The following KPNA1 variants were observed in gnomAD, a reference collection of about 807,000 sequenced individuals.
KPNA1 encodes karyopherin subunit alpha 1.
A neutral mutation model predicts 70.5 loss-of-function variants in KPNA1; 10 were observed. The observed-to-expected ratio is 0.14, with a 90% CI of 0.09 to 0.24. The LOEUF (loss-of-function observed/expected upper bound fraction) is 0.24, where lower values mean the gene tolerates loss of function less well. Among genes scored for constraint, KPNA1 ranks in the 10% least tolerant of loss-of-function variants. The pLI is 1.00. For synonymous variants in KPNA1, 192 were observed against 221.9 expected, an observed-to-expected ratio of 0.87 and a Z score of 1.20; for missense variants, 397 against 637.9, an observed-to-expected ratio of 0.62 and a Z score of 4.07.
chr3:122,494,492 T>C (rs2076735059), intron 2 of KPNA1, among the ~76,000 whole-genome samples: 1 of 152,218 alleles, frequency 6.6e-6, no homozygotes, highest in Non-Finnish European at 1.5e-5. Flanking sequence ...TTGACTTATA[T>C]GTCTACTTTT....
At chr3:122,459,709 G>C in intron 5 of KPNA1, 2 of 985,500 alleles carry the variant, frequency 2.0e-6, no homozygotes, top group Non-Finnish European at 2.4e-6. Context: ...TAATTCAAAT[G>C]AGCATGGGAA....
At chr3:122,429,725 G>C (rs2075875232) in intron 12 of KPNA1, among the ~76,000 whole-genome samples, 2 of 152,084 alleles carry the variant, frequency 1.3e-5, no homozygotes, top group African/African-American at 4.8e-5. Context: ...ATATGGGAAG[G>C]CAAAAGGCCC....
chr3:122,478,501 G>A (rs1482852910), intron 2 of KPNA1, among the ~76,000 whole-genome samples: 1 of 94,976 alleles, frequency 1.1e-5, no homozygotes, highest in African/African-American at 3.3e-5. Flanking sequence ...GACTGAGGTG[G>A]GCAGGTCAGG....
At chr3:122,495,957 C>A (rs910383052) in intron 2 of KPNA1, among the ~76,000 whole-genome samples, 1 of 152,040 alleles carries the variant, frequency 6.6e-6, no homozygotes, top group South Asian at 2.1e-4. Flanking sequence ...AAGACAAACA[C>A]GAAGCAAGTG....
chr3:122,457,394 G>GA (rs34857537), intron 5 of KPNA1, among the ~76,000 whole-genome samples: 24 of 118,092 alleles, frequency 2.0e-4, no homozygotes, highest in South Asian at 2.9e-4. Context: ...ATTAACCTGG[G>GA]AAAAAAAAAA....
chr3:122,495,250 C>T (rs2107497244), intron 2 of KPNA1, among the ~76,000 whole-genome samples: 1 of 73,366 alleles, frequency 1.4e-5, no homozygotes, highest in Non-Finnish European at 3.3e-5. Flanking sequence ...CGAGACTCTG[C>T]CTCAAACAAA....
intron 2 of KPNA1, among the ~76,000 whole-genome samples, chr3:122,480,226 T>G (rs182691299): frequency 6.6e-6 from 1 of 152,154 alleles, no homozygotes; most frequent in Admixed American, 6.5e-5. Flanking sequence ...CTGTGTGATA[T>G]CAAACCCACA....
At chr3:122,513,271 T>C (rs1226011840) in intron 1 of KPNA1, among the ~76,000 whole-genome samples, 1 of 152,236 alleles carries the variant, frequency 6.6e-6, no homozygotes, top group African/African-American at 2.4e-5. Context: ...GTTTTTAATA[T>C]ATGTAAAGCA....
Position 122,422,423 on chromosome 3 carries a change from G to T in KPNA1, c.*4562C>A, listed in dbSNP as rs1020545746. On this transcript the variant is annotated 3_prime_UTR_variant, in exon 14 of 14. Transcript: ENST00000344337. ...TTTAGCACCACAGAAGAGGAAAGAT[G>T]TTTGGCCTGAGAGGGCCTACACTCC... The T allele has an allele frequency of 7.3e-5, 11 of 150,766 alleles. No homozygotes were observed. The highest frequency in any genetic ancestry group is 1.0e-4 in the Non-Finnish European group (7 of 67,744). The allele number at this position is 150,766 out of a possible 1,614,324, so 9.3% of individuals were successfully genotyped here.
intron 12 of KPNA1, among the ~76,000 whole-genome samples, chr3:122,430,439 CAAT>C (rs978608673): frequency 6.6e-6 from 1 of 151,500 alleles, no homozygotes; most frequent in Admixed American, 6.6e-5. Flanking sequence ...TTGATATATA[CAAT>C]GTTTCTCTTA....
At chr3:122,433,875 G>T in intron 11 of KPNA1, 87 bp from the exon 12 acceptor site, 2 of 978,246 alleles carry the variant, frequency 2.0e-6, no homozygotes, top group South Asian at 1.7e-5. Flanking sequence ...AAGCTAGTTT[G>T]ACTATTAACA....
At chr3:122,504,273 G>A (rs957818354) in intron 1 of KPNA1, among the ~76,000 whole-genome samples, 16 of 151,890 alleles carry the variant, frequency 1.1e-4, no homozygotes, top group Non-Finnish European at 1.5e-4. Context: ...TATCTGGTGA[G>A]GACCCACCTC....
intron 4 of KPNA1, among the ~76,000 whole-genome samples, chr3:122,463,235 C>T (rs2076344221): frequency 6.6e-6 from 1 of 151,922 alleles, no homozygotes; most frequent in Non-Finnish European, 1.5e-5. Flanking sequence ...GTAGTCCCAA[C>T]TACTTGGGAG....
chr3:122,439,417 T>C (rs1207974710), intron 10 of KPNA1, among the ~76,000 whole-genome samples: 2 of 152,104 alleles, frequency 1.3e-5, no homozygotes, highest in African/African-American at 4.8e-5. Context: ...TTGGAACTCC[T>C]GGGCTCAGGC....
intron 2 of KPNA1, among the ~76,000 whole-genome samples, chr3:122,476,435 A>G (rs2076498263): frequency 6.6e-6 from 1 of 152,220 alleles, no homozygotes; most frequent in Non-Finnish European, 1.5e-5. Context: ...GGTTACAACA[A>G]ACTTTTTAAA....
At chr3:122,471,231 A>G (rs559870402) in intron 2 of KPNA1, among the ~76,000 whole-genome samples, 13 of 152,306 alleles carry the variant, frequency 8.5e-5, no homozygotes, top group Admixed American at 6.5e-4. Context: ...ATACCTTTAT[A>G]TTTGTCAACA....
chr3:122,437,136 A>G (rs1315709684), intron 11 of KPNA1, 34 bp downstream of exon 11: 20 of 1,589,224 alleles, frequency 1.3e-5, no homozygotes, highest in Non-Finnish European at 1.6e-5. Flanking sequence ...TTCAATAAAA[A>G]TACTGAAAGA....
intron 5 of KPNA1, among the ~76,000 whole-genome samples, chr3:122,458,610 T>C (rs2076289653): frequency 6.6e-6 from 1 of 152,220 alleles, no homozygotes; most frequent in Non-Finnish European, 1.5e-5. Context: ...ACTCTCCTTC[T>C]GGAAGAGAAA....
Position 122,457,812 on chromosome 3 carries a change from C to T in KPNA1, c.432+3412G>A, listed in dbSNP as rs754588976. The T allele has an allele frequency of 8.5e-6, 11 of 1,289,670 alleles. No homozygotes were observed. The African/African-American group carries it at 9.1e-5, about 11-fold the overall frequency. 79.9% of individuals were successfully genotyped at this position (1,289,670 alleles called of 1,614,324 possible). A position where few individuals can be genotyped will look rare whatever the true frequency, so the allele number is the denominator to read the frequency against. ...AGGACTCTGTTGCTGGCCACTTTGCCGGTTCCACTCTGGTTCCTAGCAAAT... is the reference window on the plus strand; with the variant it reads ...AGGACTCTGTTGCTGGCCACTTTGCTGGTTCCACTCTGGTTCCTAGCAAAT... On this transcript the variant is annotated intron_variant, in intron 5 of 13. Transcript: ENST00000344337.
Sources: gnomAD v4.1 joint callset for allele counts (sites outside exome capture counted in the v4.1 genomes callset) on GRCh38, gnomAD v4.1.1 for gene constraint, MANE v1.5 for transcripts, NCBI Gene and HGNC (gene_info 2026-07-23, HGNC 2026-07-21) for gene names.